The following DHX36 variants were observed in gnomAD, a reference collection of about 807,000 sequenced individuals.
DHX36 encodes DEAH-box helicase 36, also known as ATP-dependent DNA/RNA helicase DHX36.
DHX36 carries 50 observed loss-of-function variants against 139.0 expected under a neutral mutation model. The observed-to-expected ratio is 0.36, with a 90% CI of 0.29 to 0.46. The LOEUF (loss-of-function observed/expected upper bound fraction) is 0.46. Among genes scored for constraint, DHX36 ranks in the 20% least tolerant of loss-of-function variants. The pLI, the probability that DHX36 is intolerant of heterozygous loss-of-function variation, is 1.00. For missense variants in DHX36, 1,024 were observed against 1,211.3 expected, an observed-to-expected ratio of 0.85 and a Z score of 2.29; for synonymous variants, 425 against 401.9, an observed-to-expected ratio of 1.06 and a Z score of -0.69.
intron 4 of DHX36, 106 bp downstream of exon 4, chr3:154,311,530 G>A (rs1712762887): frequency 3.3e-6 from 3 of 919,454 alleles, no homozygotes; most frequent in African/African-American, 1.8e-5. Flanking sequence ...ATACTATCCT[G>A]TAAAAGAAAG....
rs1559943161 is a variant in DHX36, at chr3:154,277,712, T to TTTTA, written c.2570_2573dup (p.Lys858AsnfsTer16). 1 of 1,597,384 alleles carries TTTTA rather than the reference T, an allele frequency of 6.3e-7. No individual in the cohort carries two copies. Among genetic ancestry groups the TTTTA allele is most frequent in the East Asian group, 2.2e-5 (1 of 44,652 alleles). Reference sequence around the variant, plus strand: ...CCAGGCCATCGGTTTTTGTGTAAACTTTTACCCTTTAAAAAAAGTTAAAAT... The same window carrying TTTTA: ...CCAGGCCATCGGTTTTTGTGTAAACTTTTATTTACCCTTTAAAAAAAGTTAAAAT... On this transcript the variant is annotated frameshift_variant, in exon 23 of 25. Coordinates refer to ENST00000496811, the MANE Select transcript of DHX36 (RefSeq NM_020865.3). LOFTEE classifies it high-confidence loss of function.
At chr3:154,290,477 A>T (rs1328172996) in intron 15 of DHX36, among the ~76,000 whole-genome samples, 1 of 151,788 alleles carries the variant, frequency 6.6e-6, no homozygotes, top group Non-Finnish European at 1.5e-5. Flanking sequence ...CTGTACTAAA[A>T]AATAATACAA....
At chr3:154,303,150 A>C (rs1346475452) in intron 9 of DHX36, among the ~76,000 whole-genome samples, 179 bp downstream of exon 9, 1 of 152,204 alleles carries the variant, frequency 6.6e-6, no homozygotes, top group African/African-American at 2.4e-5. Flanking sequence ...AGTATAAATC[A>C]GGCATCTGGA....
intron 23 of DHX36, among the ~76,000 whole-genome samples, 160 bp from the exon 24 acceptor site, chr3:154,277,059 G>A (rs1290940490): frequency 6.6e-6 from 1 of 152,098 alleles, no homozygotes; most frequent in Non-Finnish European, 1.5e-5. Flanking sequence ...CATTTTAAAT[G>A]AGCCATCTTC....
In DHX36 at chr3:154,284,825, C is replaced by T. The variant is rs370305174; in HGVS notation, c.2194G>A (p.Val732Ile). The T allele has an allele frequency of 6.2e-7, 1 of 1,613,642 alleles. No homozygotes were observed. Among genetic ancestry groups the T allele is most frequent in the African/African-American group, 1.3e-5 (1 of 74,904 alleles). ...AASLSFKDPFVIPLGKEKIAD... is the reference protein window; with the variant it reads ...AASLSFKDPFIIPLGKEKIAD... Reference sequence around the variant, plus strand: ...TCCATTTTTCTTACCAGTGGAATGACAAATGGATCTTTGAAACTGAGACTA... The same window carrying T: ...TCCATTTTTCTTACCAGTGGAATGATAAATGGATCTTTGAAACTGAGACTA... Residue 732 changes from valine (V) to isoleucine (I), a missense_variant, in exon 18 of 25, where the codon GTC becomes ATC. Around this residue, in one of 4 missense-constraint regions of DHX36, gnomAD observed 470 missense variants for 616.2 expected, o/e 0.76. Transcript: ENST00000496811.
At chr3:154,315,318 G>A (rs777616965) in intron 2 of DHX36, 38 bp from the exon 3 acceptor site, 27 of 1,472,862 alleles carry the variant, frequency 1.8e-5, no homozygotes, top group Non-Finnish European at 2.2e-5. Flanking sequence ...AAGGTCAGAT[G>A]AGCCACTCAA....
chr3:154,285,063 AAG>A lies in DHX36; in HGVS notation c.2032-78_2032-77del. Reference sequence around the variant, plus strand: ...TAAAACGATTTTAGCTTGCTTTAAAAAGAGTAACAAGCCACTACTCTCTCTTC... The same window carrying A: ...TAAAACGATTTTAGCTTGCTTTAAAAAGTAACAAGCCACTACTCTCTCTTC... On this transcript the variant is annotated intron_variant, in intron 17 of 24. Coordinates refer to ENST00000496811, the MANE Select transcript of DHX36 (RefSeq NM_020865.3). 3 of 1,448,162 alleles carry A rather than the reference AAG, an allele frequency of 2.1e-6. 1 individual carries two copies. In the South Asian group the frequency reaches 3.8e-5, roughly 18 times the overall value. The allele number at this position is 1,448,162 out of a possible 1,614,324, so 89.7% of individuals were successfully genotyped here.
chr3:154,312,855 ATAT>A (rs1712816404), intron 3 of DHX36, among the ~76,000 whole-genome samples: 2 of 4,692 alleles, frequency 4.3e-4, no homozygotes, highest in African/African-American at 1.9e-3. Flanking sequence ...TAATTAAAAT[ATAT>A]ATATATATAT....
chr3:154,298,644 T>C (rs1712136077), intron 12 of DHX36, among the ~76,000 whole-genome samples: 1 of 152,188 alleles, frequency 6.6e-6, no homozygotes, highest in South Asian at 2.1e-4. Flanking sequence ...TGGCTGGGCG[T>C]GGTGGCTCAT....
intron 15 of DHX36, among the ~76,000 whole-genome samples, chr3:154,291,000 T>G (rs889723540): frequency 6.7e-6 from 1 of 149,506 alleles, no homozygotes; most frequent in Non-Finnish European, 1.5e-5. Context: ...CCGGGCGTAG[T>G]GGCGGGCGCC....
At chr3:154,279,028 C>G (rs924058912) in intron 22 of DHX36, 1 of 152,028 alleles carries the variant, frequency 6.6e-6, no homozygotes, top group Non-Finnish European at 1.5e-5. Context: ...GATCTCTCAA[C>G]GTGCAGTGGT....
chr3:154,317,877 C>T (rs72996671), intron 1 of DHX36, among the ~76,000 whole-genome samples: 2 of 151,882 alleles, frequency 1.3e-5, no homozygotes, highest in Non-Finnish European at 2.9e-5. Flanking sequence ...TGACCCAGTA[C>T]ACACATATAC....
In DHX36 at chr3:154,291,130, G is replaced by A. The variant is rs528337602; in HGVS notation, c.1815-1304C>T. Among the ~76,000 whole-genome samples, 67 of 50,990 alleles carry A rather than the reference G, an allele frequency of 1.3e-3. 1 individual carries two copies. The South Asian group carries it at 0.063, about 48-fold the overall frequency. The allele number at this position is 50,990 out of a possible 152,430, so 33.5% of individuals were successfully genotyped here. ...AGCCTGGGCGACAGAGCGAGACTCC[G>A]TCTCAAAAAAAAAAAAAAAAAAAAA... On this transcript the variant is annotated intron_variant, in intron 15 of 24. Coordinates refer to ENST00000496811, the MANE Select transcript of DHX36 (RefSeq NM_020865.3).
At chr3:154,303,894 G>A (rs540669350) in intron 8 of DHX36, among the ~76,000 whole-genome samples, 4 of 152,162 alleles carry the variant, frequency 2.6e-5, no homozygotes, top group South Asian at 2.1e-4. Flanking sequence ...AAATCACTTC[G>A]GTACTGTTAT....
chr3:154,288,666 T>C (rs1013483113), intron 17 of DHX36, among the ~76,000 whole-genome samples, 200 bp downstream of exon 17: 8 of 152,140 alleles, frequency 5.3e-5, no homozygotes, highest in African/African-American at 1.9e-4. Flanking sequence ...TTAAGAATTA[T>C]TACGAAGATA....
intron 5 of DHX36, 68 bp downstream of exon 5, chr3:154,309,585 A>G: frequency 1.5e-6 from 2 of 1,360,374 alleles, no homozygotes; most frequent in Non-Finnish European, 2.0e-6. Context: ...CCACACCTTC[A>G]GAATCAGTAG....
intron 17 of DHX36, 93 bp downstream of exon 17, chr3:154,288,773 A>C (rs570770741): frequency 1.6e-6 from 1 of 610,372 alleles, no homozygotes. Context: ...TTATTGGTCT[A>C]CTTTGCAGTA....
chr3:154,280,748 T>C lies in DHX36; in HGVS notation c.2476+15A>G. The C allele has an allele frequency of 1.9e-6, 3 of 1,609,866 alleles. No individual in the cohort carries two copies. The South Asian group carries it at 3.3e-5, about 18-fold the overall frequency. The stretch of plus-strand genomic sequence containing the variant: ...AGACAAAAGATACTTATTTACACTG[T>C]GTTTCCTGCTGTACCTGAATTTATA... On this transcript the variant is annotated intron_variant, in intron 21 of 24. Coordinates refer to ENST00000496811, the MANE Select transcript of DHX36 (RefSeq NM_020865.3).
At chr3:154,323,146 C>T (rs1713263274) in intron 1 of DHX36, among the ~76,000 whole-genome samples, 1 of 152,018 alleles carries the variant, frequency 6.6e-6, no homozygotes, top group South Asian at 2.1e-4. Flanking sequence ...ACCAACCTGG[C>T]CAACATGGTG....
Sources: gnomAD v4.1 joint callset for allele counts (sites outside exome capture counted in the v4.1 genomes callset) on GRCh38, gnomAD v4.1.1 for gene constraint, gnomAD v4.1.1 regional missense constraint, MANE v1.5 for transcripts, NCBI Gene and HGNC (gene_info 2026-07-23, HGNC 2026-07-21) for gene names.